The following HSF2 variants were observed in gnomAD, a reference collection of about 807,000 sequenced individuals.
HSF2 encodes heat shock transcription factor 2.
A neutral mutation model predicts 65.0 loss-of-function variants in HSF2; 21 were observed. The ratio of observed to expected loss-of-function variants is 0.32; its 90% CI spans 0.23 to 0.47. The LOEUF (loss-of-function observed/expected upper bound fraction) is 0.47, where lower values mean the gene tolerates loss of function less well. Ranked by LOEUF, HSF2 falls within the 20% of genes least tolerant of loss-of-function variation. The probability of loss-of-function intolerance (pLI) is 1.00; values close to 1 mark genes in which losing one functional copy is unlikely to be tolerated. For synonymous variants in HSF2, 225 were observed against 219.1 expected, an observed-to-expected ratio of 1.03 and a Z score of -0.24; for missense variants, 499 against 628.1, an observed-to-expected ratio of 0.79 and a Z score of 2.20.
intron 1 of HSF2, among the ~76,000 whole-genome samples, chr6:122,407,984 A>T (rs1773904668): frequency 7.5e-6 from 1 of 134,006 alleles, no homozygotes; most frequent in Non-Finnish European, 1.6e-5. Context: ...AGAGAGAGAG[A>T]GAGTGTGTTC....
intron 1 of HSF2, among the ~76,000 whole-genome samples, chr6:122,403,068 G>GA (rs1268559787): frequency 3.3e-5 from 5 of 150,922 alleles, no homozygotes; most frequent in African/African-American, 1.2e-4. Flanking sequence ...TAAGGCAAGG[G>GA]AAAAAAAACT....
At position 122,429,022 on chromosome 6, in the gene HSF2, T is replaced by C. The variant is rs186391618; in HGVS notation, c.1230+1066T>C. The stretch of plus-strand genomic sequence containing the variant: ...TAACTATGCAGTTCTGCAATTGTAA[T>C]GTGAAAGCAGATACAGACAATATGT... On this transcript the variant is annotated intron_variant, in intron 11 of 12. Coordinates refer to ENST00000368455, the MANE Select transcript of HSF2 (RefSeq NM_004506.4). 1.3e-4 allele frequency among the ~76,000 whole-genome samples: 20 copies of C among 152,212 alleles called. No individual in the cohort carries two copies. In the East Asian group the frequency reaches 3.9e-3, roughly 29 times the overall value.
chr6:122,402,242 T>C (rs1359979068), intron 1 of HSF2, among the ~76,000 whole-genome samples: 2 of 152,210 alleles, frequency 1.3e-5, no homozygotes, highest in African/African-American at 4.8e-5. Flanking sequence ...TTTAGTTTTA[T>C]ACCAAAATGT....
rs9385245 is a variant in HSF2, at chr6:122,401,163, G to T, written c.93+1333G>T. Among the ~76,000 whole-genome samples the T allele has an allele frequency of 3.0e-4, 45 of 152,146 alleles. 1 individual carries two copies. The highest frequency in any genetic ancestry group is 9.1e-4 in the African/African-American group (38 of 41,532). On this transcript the variant is annotated intron_variant, in intron 1 of 12. Transcript: ENST00000368455. The stretch of plus-strand genomic sequence containing the variant: ...CCACTCCCTGCTTGGAGTTGAGTAG[G>T]GGGGCGTGAGTGTTTCTATTAAGCA...
chr6:122,399,982 C>T (rs1278790224), intron 1 of HSF2, 152 bp downstream of exon 1: 4 of 593,412 alleles, frequency 6.7e-6, no homozygotes, highest in East Asian at 3.4e-5. Flanking sequence ...GGGGGACCCC[C>T]TGTATTGTTC....
chr6:122,428,102 G>C (rs537328677), intron 11 of HSF2, 146 bp downstream of exon 11: 3 of 484,144 alleles, frequency 6.2e-6, no homozygotes, highest in Non-Finnish European at 1.1e-5. Context: ...TAAAATTCTA[G>C]TTGAAAAATT....
chr6:122,414,940 A>C (rs1041360490), intron 4 of HSF2, among the ~76,000 whole-genome samples: 11 of 152,160 alleles, frequency 7.2e-5, no homozygotes, highest in African/African-American at 2.7e-4. Context: ...TTTAGTAAGC[A>C]GATAACAACA....
chr6:122,399,662 A>AGCTGCTGCCGTAGCT lies in HSF2; in HGVS notation c.-73_-59dup. 2 of 1,219,306 alleles carry AGCTGCTGCCGTAGCT rather than the reference A, an allele frequency of 1.6e-6. No individual in the cohort carries two copies. The highest frequency in any genetic ancestry group is 2.4e-6 in the Non-Finnish European group (2 of 840,136). The allele number at this position is 1,219,306 out of a possible 1,614,324, so 75.5% of individuals were successfully genotyped here. On this transcript the variant is annotated 5_prime_UTR_variant, in exon 1 of 13. Coordinates refer to ENST00000368455, the MANE Select transcript of HSF2 (RefSeq NM_004506.4). ...GCCTGCGTTGTGGGCGTTCTCGGGG[A>AGCTGCTGCCGTAGCT]GCTGCTGCCGTAGCTGCCGCCGCCG...
At chr6:122,402,798 C>T (rs1773769036) in intron 1 of HSF2, among the ~76,000 whole-genome samples, 1 of 152,098 alleles carries the variant, frequency 6.6e-6, no homozygotes, top group Admixed American at 6.6e-5. Context: ...GTGATCCACC[C>T]GTCTCGGCCT....
In HSF2 at chr6:122,399,718, A is replaced by C; in HGVS notation, c.-20A>C. ...ACCGCGTTCGGGTGTAGAATTTGGAATCCCTGCGCCGCGTTAACAATGAAG... is the reference window on the plus strand; with the variant it reads ...ACCGCGTTCGGGTGTAGAATTTGGACTCCCTGCGCCGCGTTAACAATGAAG... On this transcript the variant is annotated 5_prime_UTR_variant, in exon 1 of 13. Transcript: ENST00000368455. 1 of 1,604,500 alleles carries C rather than the reference A, an allele frequency of 6.2e-7. No homozygotes were observed. The highest frequency in any genetic ancestry group is 8.5e-7 in the Non-Finnish European group (1 of 1,174,400).
chr6:122,431,063 G>C (rs1411298766), intron 11 of HSF2, among the ~76,000 whole-genome samples: 2 of 152,070 alleles, frequency 1.3e-5, no homozygotes, highest in African/African-American at 4.8e-5. Flanking sequence ...TACTTAAAAT[G>C]AATTTAATTG....
chr6:122,414,147 T>C (rs1459044445), intron 4 of HSF2, among the ~76,000 whole-genome samples: 1 of 152,224 alleles, frequency 6.6e-6, no homozygotes, highest in Non-Finnish European at 1.5e-5. Flanking sequence ...TTATTTCGTA[T>C]AGACTTGGAA....
At chr6:122,428,114 G>A (rs1479931904) in intron 11 of HSF2, among the ~76,000 whole-genome samples, 158 bp downstream of exon 11, 10 of 151,908 alleles carry the variant, frequency 6.6e-5, no homozygotes, top group Admixed American at 6.6e-4. Context: ...TGAAAAATTA[G>A]CTTTTGGTTA....
chr6:122,432,271 ATTTAT>A lies in HSF2; in HGVS notation c.*56_*60del. The stretch of plus-strand genomic sequence containing the variant: ...TATATATTCATCAAAATGATGAACT[ATTTAT>A]TTTAAAGTATCATTTGGTACTTTTT... On this transcript the variant is annotated 3_prime_UTR_variant, in exon 13 of 13. Coordinates refer to ENST00000368455, the MANE Select transcript of HSF2 (RefSeq NM_004506.4). The A allele has an allele frequency of 1.6e-5, 22 of 1,383,922 alleles. No homozygotes were observed. Among genetic ancestry groups the A allele is most frequent in the Non-Finnish European group, 2.1e-5 (21 of 1,004,810 alleles). 85.7% of individuals were successfully genotyped at this position (1,383,922 alleles called of 1,614,324 possible).
intron 1 of HSF2, among the ~76,000 whole-genome samples, chr6:122,410,178 A>C (rs539044673): frequency 6.6e-6 from 1 of 151,932 alleles, no homozygotes; most frequent in Non-Finnish European, 1.5e-5. Flanking sequence ...ACATTTGGTT[A>C]TGATAGCATC....
At chr6:122,399,973 G>A in intron 1 of HSF2, 143 bp downstream of exon 1, 1 of 683,904 alleles carries the variant, frequency 1.5e-6, no homozygotes, top group East Asian at 3.0e-5. Context: ...CAGCCTCGCG[G>A]GGGACCCCCT....
chr6:122,424,623 T>G (rs1463232843), intron 10 of HSF2, among the ~76,000 whole-genome samples: 1 of 152,132 alleles, frequency 6.6e-6, no homozygotes, highest in Non-Finnish European at 1.5e-5. Context: ...GGATTTTACT[T>G]TCTTTGAAGA....
intron 4 of HSF2, among the ~76,000 whole-genome samples, chr6:122,415,079 G>C (rs1774092992): frequency 6.6e-6 from 1 of 152,108 alleles, no homozygotes; most frequent in African/African-American, 2.4e-5. Context: ...GACTTGTGGA[G>C]AATAACAAAA....
chr6:122,408,139 G>T (rs1157665698), intron 1 of HSF2, among the ~76,000 whole-genome samples: 1 of 152,044 alleles, frequency 6.6e-6, no homozygotes. Flanking sequence ...AATTTTGGGG[G>T]ACACAAACAT....
Sources: allele counts gnomAD v4.1 joint callset (sites outside exome capture counted in the v4.1 genomes callset), GRCh38; gene constraint gnomAD v4.1.1; transcripts MANE v1.5; gene names NCBI Gene and HGNC (gene_info 2026-07-23, HGNC 2026-07-21).